The following HS6ST3 variants were observed in gnomAD, a reference collection of about 807,000 sequenced individuals.
HS6ST3 encodes heparan-sulfate 6-O-sulfotransferase 3.
A neutral mutation model predicts 36.7 loss-of-function variants in HS6ST3; 12 were observed. That is an observed-to-expected ratio of 0.33 (90% CI 0.21 to 0.53). HS6ST3 has a LOEUF of 0.53. HS6ST3 is among the 20% of genes least tolerant of loss of function. The pLI is 0.95. For synonymous variants in HS6ST3, 240 were observed against 257.5 expected, an observed-to-expected ratio of 0.93 and a Z score of 0.65; for missense variants, 584 against 640.9, an observed-to-expected ratio of 0.91 and a Z score of 0.96.
At chr13:96,518,374 AT>A (rs1227347780) in intron 1 of HS6ST3, among the ~76,000 whole-genome samples, 36 of 152,318 alleles carry the variant, frequency 2.4e-4, no homozygotes, top group African/African-American at 7.7e-4. Context: ...GTATGAGTTA[AT>A]TTAGTTTGAG....
intron 1 of HS6ST3, among the ~76,000 whole-genome samples, chr13:96,396,307 C>G (rs943597593): frequency 6.6e-6 from 1 of 151,820 alleles, no homozygotes; most frequent in African/African-American, 2.4e-5. Flanking sequence ...GGGGGAGACT[C>G]TGTTTTGTTT....
intron 1 of HS6ST3, among the ~76,000 whole-genome samples, chr13:96,603,403 G>A (rs2056428348): frequency 1.3e-5 from 2 of 152,092 alleles, no homozygotes; most frequent in Non-Finnish European, 2.9e-5. Flanking sequence ...TTTTCTTGTG[G>A]TAGTTCATTC....
intron 1 of HS6ST3, among the ~76,000 whole-genome samples, chr13:96,401,567 T>C (rs1013728394): frequency 1.1e-4 from 17 of 152,188 alleles, no homozygotes; most frequent in African/African-American, 4.1e-4. Flanking sequence ...AAAAATACTT[T>C]ATAAGGACTG....
chr13:96,339,632 T>G (rs2055120136), intron 1 of HS6ST3, among the ~76,000 whole-genome samples: 1 of 152,210 alleles, frequency 6.6e-6, no homozygotes, highest in African/African-American at 2.4e-5. Context: ...CAAGAGTTTA[T>G]TAAGTAATTG....
At chr13:96,462,901 G>A (rs1324828463) in intron 1 of HS6ST3, among the ~76,000 whole-genome samples, 1 of 152,128 alleles carries the variant, frequency 6.6e-6, no homozygotes, top group Non-Finnish European at 1.5e-5. Flanking sequence ...TCTAACAAGA[G>A]TTTTGTAATA....
intron 1 of HS6ST3, among the ~76,000 whole-genome samples, chr13:96,583,204 CTTTTTTTTTTTTTTTT>C (rs71292889): frequency 1.9e-5 from 1 of 52,922 alleles, no homozygotes; most frequent in African/African-American, 8.1e-5. Context: ...TTTTTCTTTT[CTTTTTTTTTTTTTTTT>C]TTTTTTTTTT....
intron 1 of HS6ST3, among the ~76,000 whole-genome samples, chr13:96,624,263 T>C (rs575715981): frequency 2.6e-5 from 4 of 152,192 alleles, no homozygotes; most frequent in African/African-American, 9.6e-5. Flanking sequence ...CCTCTCTACC[T>C]GACCACAGAA....
At chr13:96,708,838 T>C (rs1875492671) in intron 1 of HS6ST3, among the ~76,000 whole-genome samples, 1 of 152,184 alleles carries the variant, frequency 6.6e-6, no homozygotes, top group African/African-American at 2.4e-5. Context: ...ATAGATGCTC[T>C]TCAGTTGTTA....
At chr13:96,133,061 C>T (rs1270071354) in intron 1 of HS6ST3, among the ~76,000 whole-genome samples, 2 of 151,842 alleles carry the variant, frequency 1.3e-5, no homozygotes, top group East Asian at 3.9e-4. Context: ...ATATTTTCTC[C>T]CATTCTGTGG....
At chr13:96,668,517 A>T (rs1270007361) in intron 1 of HS6ST3, among the ~76,000 whole-genome samples, 1 of 151,958 alleles carries the variant, frequency 6.6e-6, no homozygotes. Context: ...CTGCTGAGGG[A>T]CAAGGCAGGA....
At chr13:96,437,186 GCCTCCCTGTTCTT>G (rs2055647144) in intron 1 of HS6ST3, among the ~76,000 whole-genome samples, 1 of 152,128 alleles carries the variant, frequency 6.6e-6, no homozygotes, top group Non-Finnish European at 1.5e-5. Context: ...AACTCAAGAT[GCCTCCCTGTTCTT>G]CATGCACATC....
chr13:96,601,955 G>A (rs1490171785), intron 1 of HS6ST3, among the ~76,000 whole-genome samples: 1 of 152,162 alleles, frequency 6.6e-6, no homozygotes, highest in African/African-American at 2.4e-5. Flanking sequence ...GTGTGAGCAG[G>A]TTCACTGTCT....
chr13:96,122,504 A>G (rs1216564713), intron 1 of HS6ST3, among the ~76,000 whole-genome samples: 1 of 152,206 alleles, frequency 6.6e-6, no homozygotes, highest in African/African-American at 2.4e-5. Context: ...AGGAAATTAC[A>G]CTGATGCAAT....
chr13:96,756,855 G>A (rs370953004), intron 1 of HS6ST3, among the ~76,000 whole-genome samples: 5 of 152,190 alleles, frequency 3.3e-5, no homozygotes, highest in Admixed American at 6.5e-5. Flanking sequence ...ACATTGCTAA[G>A]TGTACATTGT....
chr13:96,322,114 T>G (rs1425505155), intron 1 of HS6ST3, among the ~76,000 whole-genome samples: 1 of 152,174 alleles, frequency 6.6e-6, no homozygotes, highest in Non-Finnish European at 1.5e-5. Context: ...CCTGTCTATA[T>G]CAAGCCAATC....
chr13:96,786,046 A>G (rs1275418372), intron 1 of HS6ST3, among the ~76,000 whole-genome samples: 1 of 152,166 alleles, frequency 6.6e-6, no homozygotes, highest in Non-Finnish European at 1.5e-5. Flanking sequence ...AGGGGGCTCT[A>G]CAGGGTGTGA....
chr13:96,621,691 C>G (rs1025762771), intron 1 of HS6ST3, among the ~76,000 whole-genome samples: 8 of 152,138 alleles, frequency 5.3e-5, no homozygotes, highest in Non-Finnish European at 1.2e-4. Context: ...TATTGTCCCT[C>G]TCTATATGAC....
intron 1 of HS6ST3, among the ~76,000 whole-genome samples, chr13:96,287,475 G>A (rs375902357): frequency 3.3e-5 from 5 of 152,140 alleles, no homozygotes; most frequent in Admixed American, 1.3e-4. Flanking sequence ...ATCAAGGCAC[G>A]TGTGGAAAGT....
At chr13:96,337,549 A>AC (rs908066727) in intron 1 of HS6ST3, among the ~76,000 whole-genome samples, 1 of 151,824 alleles carries the variant, frequency 6.6e-6, no homozygotes, top group Non-Finnish European at 1.5e-5. Flanking sequence ...CTCACTTCTG[A>AC]CCCTTTGTTG....
Sources: allele counts gnomAD v4.1 joint callset (sites outside exome capture counted in the v4.1 genomes callset), GRCh38; gene constraint gnomAD v4.1.1; transcripts MANE v1.5; gene names NCBI Gene and HGNC (gene_info 2026-07-23, HGNC 2026-07-21).